TENM1: variants seen among roughly 807,000 people sequenced by gnomAD.
TENM1 encodes teneurin-1.
Under a neutral mutation model 174.8 loss-of-function variants are expected in TENM1, and 35 were observed. The ratio of observed to expected loss-of-function variants is 0.20; its 90% confidence interval spans 0.15 to 0.27. TENM1 has a LOEUF of 0.27. Ranked by LOEUF, TENM1 falls within the 10% of genes least tolerant of loss-of-function variation. The pLI is 1.00. For missense variants in TENM1, 1,633 were observed against 2,130.1 expected, an observed-to-expected ratio of 0.77 and a Z score of 4.59; for synonymous variants, 781 against 798.7, an observed-to-expected ratio of 0.98 and a Z score of 0.37.
chrX:124,747,149 CAATAAATAAATA>C (rs201159170), intron 3 of TENM1, among the ~76,000 whole-genome samples: 11 of 99,867 alleles, frequency 1.1e-4, no homozygotes, highest in East Asian at 6.2e-4. Context: ...AAGACTATTT[CAATAAATAAATA>C]AATAAATAAA....
At chrX:124,454,317 T>C (rs1321671154) in intron 22 of TENM1, among the ~76,000 whole-genome samples, 3 of 111,388 alleles carry the variant, frequency 2.7e-5, no homozygotes, top group African/African-American at 9.8e-5. Context: ...GGTTTGGCTG[T>C]AACTGAGGCA....
chrX:125,137,235 A>AT, the TENM1 span, among the ~76,000 whole-genome samples: 1 of 111,353 alleles, frequency 9.0e-6, no homozygotes, highest in Non-Finnish European at 1.9e-5. Flanking sequence ...GATATTGATT[A>AT]TTATTGTGTA....
chrX:124,925,759 T>C (rs950320817), intron 1 of TENM1, among the ~76,000 whole-genome samples: 2 of 112,177 alleles, frequency 1.8e-5, no homozygotes, highest in African/African-American at 6.5e-5. Context: ...GAAGAGGGTT[T>C]TTCATGTATT....
chrX:124,735,494 T>C (rs1305282455), intron 4 of TENM1, among the ~76,000 whole-genome samples: 1 of 112,474 alleles, frequency 8.9e-6, no homozygotes, highest in African/African-American at 3.2e-5. Context: ...GCTTATACAC[T>C]GTTGGTGGGA....
At chrX:125,046,570 C>A in the TENM1 span, among the ~76,000 whole-genome samples, 17 of 111,980 alleles carry the variant, frequency 1.5e-4, no homozygotes, top group African/African-American at 5.5e-4. Context: ...CTCTGCTACA[C>A]GGATACAGAA....
the TENM1 span, among the ~76,000 whole-genome samples, chrX:125,037,138 T>C: frequency 0.026 from 2,879 of 111,358 alleles, 102 homozygotes; most frequent in African/African-American, 0.088. Context: ...ATTCATCCTA[T>C]AGATAATAAG....
chrX:124,790,753 T>C (rs751462926), intron 3 of TENM1, among the ~76,000 whole-genome samples: 1 of 111,414 alleles, frequency 9.0e-6, no homozygotes, highest in African/African-American at 3.3e-5. Flanking sequence ...AATATGGGAG[T>C]AGCATTTAAT....
chrX:125,069,740 A>G, the TENM1 span, among the ~76,000 whole-genome samples: 1 of 110,882 alleles, frequency 9.0e-6, no homozygotes, highest in Non-Finnish European at 1.9e-5. Flanking sequence ...CACATCCTGC[A>G]CATGTATCCC....
At chrX:124,652,163 T>C in intron 7 of TENM1, 39 bp from the exon 11 acceptor site, 5 of 1,192,087 alleles carry the variant, frequency 4.2e-6, no homozygotes, top group Non-Finnish European at 5.6e-6. Flanking sequence ...CCACTACTTT[T>C]TCTTCTAGAC....
At chrX:124,699,830 G>T (rs2052735143) in intron 5 of TENM1, among the ~76,000 whole-genome samples, 1 of 111,550 alleles carries the variant, frequency 9.0e-6, no homozygotes, top group African/African-American at 3.3e-5. Flanking sequence ...ATGGATAGCA[G>T]ATTTGTAATT....
At chrX:124,753,465 T>G (rs2054137218) in intron 3 of TENM1, among the ~76,000 whole-genome samples, 1 of 102,667 alleles carries the variant, frequency 9.7e-6, no homozygotes, top group South Asian at 4.9e-4. Flanking sequence ...CTTTTCCTAA[T>G]TGAATACCCT....
intron 2 of TENM1, 39 bp downstream of exon 5, chrX:124,895,942 T>C (rs765603984): frequency 5.0e-6 from 6 of 1,195,430 alleles, no homozygotes; most frequent in Non-Finnish European, 6.8e-6. Flanking sequence ...AACTGCATTC[T>C]TTCTGTGTTT....
At chrX:125,065,056 T>C in the TENM1 span, among the ~76,000 whole-genome samples, 4 of 112,229 alleles carry the variant, frequency 3.6e-5, no homozygotes, top group African/African-American at 1.3e-4. Flanking sequence ...TCTTGAAGCA[T>C]TTCTTCAAAG....
chrX:124,570,043 C>T (rs1189442997), intron 11 of TENM1, among the ~76,000 whole-genome samples: 1 of 111,303 alleles, frequency 9.0e-6, no homozygotes, highest in Non-Finnish European at 1.9e-5. Context: ...TATGACATTG[C>T]TATACATAGT....
intron 5 of TENM1, among the ~76,000 whole-genome samples, chrX:124,694,942 T>C (rs1296158451): frequency 8.9e-6 from 1 of 112,424 alleles, no homozygotes; most frequent in African/African-American, 3.2e-5. Context: ...GGCAAATATA[T>C]TTCAACTTCT....
chrX:124,633,684 T>C (rs948876396), intron 11 of TENM1, among the ~76,000 whole-genome samples: 1 of 111,170 alleles, frequency 9.0e-6, no homozygotes, highest in African/African-American at 3.3e-5. Flanking sequence ...CTGAGACTAT[T>C]TTGTGGTTCA....
chrX:124,642,079 A>G (rs989221224), intron 10 of TENM1, 88 bp from the exon 14 acceptor site: 7 of 663,520 alleles, frequency 1.1e-5, no homozygotes, highest in African/African-American at 4.3e-5. Flanking sequence ...CGGAGATTAC[A>G]TTGATTTCCT....
At chrX:124,955,214 T>C (rs1183939141) in intron 1 of TENM1, among the ~76,000 whole-genome samples, 3 of 110,412 alleles carry the variant, frequency 2.7e-5, no homozygotes, top group Non-Finnish European at 5.6e-5. Flanking sequence ...AGTGGATCCC[T>C]ATCTTGGATG....
intron 22 of TENM1, among the ~76,000 whole-genome samples, chrX:124,467,209 T>G (rs1261501993): frequency 2.7e-5 from 3 of 111,869 alleles, no homozygotes. Flanking sequence ...GAATAGCTAG[T>G]AAATGAAACT....
Sources: allele counts gnomAD v4.1 joint callset (sites outside exome capture counted in the v4.1 genomes callset), GRCh38; gene constraint gnomAD v4.1.1; transcripts MANE v1.5; gene names NCBI Gene and HGNC (gene_info 2026-07-23, HGNC 2026-07-21).